The following FAM227B variants were observed in gnomAD, a reference collection of about 807,000 sequenced individuals.
FAM227B encodes the protein family with sequence similarity 227 member B.
A neutral mutation model predicts 73.8 loss-of-function variants in FAM227B; 88 were observed. That is an observed-to-expected ratio of 1.19 (90% CI 1.00 to 1.42). The LOEUF (loss-of-function observed/expected upper bound fraction) is 1.42, where lower values mean the gene tolerates loss of function less well. FAM227B is among the 40% of genes most tolerant of loss of function. The pLI, the probability that FAM227B is intolerant of heterozygous loss-of-function variation, is 0.00. For synonymous variants in FAM227B, 210 were observed against 190.5 expected (o/e 1.10, Z -0.84); for missense variants, 632 against 590.9 (o/e 1.07, Z -0.72).
intron 13 of FAM227B, among the ~76,000 whole-genome samples, chr15:49,357,120 C>G (rs200328598): frequency 0.022 from 3,279 of 150,872 alleles, 93 homozygotes; most frequent in South Asian, 0.076. Flanking sequence ...TAAATGCCCA[C>G]AAGAGAAGGC....
chr15:49,407,546 AT>A (rs2048598360), intron 11 of FAM227B, among the ~76,000 whole-genome samples: 1 of 151,552 alleles, frequency 6.6e-6, no homozygotes, highest in Non-Finnish European at 1.5e-5. Context: ...TATTTTTAAA[AT>A]TTTAACACTG....
At chr15:49,550,700 C>T (rs1001462310) in intron 9 of FAM227B, among the ~76,000 whole-genome samples, 41 of 151,832 alleles carry the variant, frequency 2.7e-4, no homozygotes, top group East Asian at 2.3e-3. Flanking sequence ...CGGGCAGAGA[C>T]GCTCCTCACT....
chr15:49,461,160 G>A (rs1477512359), intron 11 of FAM227B, among the ~76,000 whole-genome samples: 2 of 152,130 alleles, frequency 1.3e-5, no homozygotes, highest in East Asian at 3.9e-4. Context: ...AGTCCTCCTC[G>A]ACTAGACTAG....
chr15:49,452,028 T>C (rs1026639236), intron 11 of FAM227B, among the ~76,000 whole-genome samples: 14 of 152,088 alleles, frequency 9.2e-5, no homozygotes, highest in African/African-American at 2.9e-4. Flanking sequence ...GATTCAAAAT[T>C]TGATTCAATA....
chr15:49,567,144 G>A (rs1016951784), intron 9 of FAM227B, among the ~76,000 whole-genome samples: 2 of 152,150 alleles, frequency 1.3e-5, no homozygotes, highest in African/African-American at 4.8e-5. Context: ...TAGGCTAACT[G>A]AAAGAATATG....
chr15:49,550,264 A>G (rs1233298581), intron 9 of FAM227B, among the ~76,000 whole-genome samples: 3 of 106,710 alleles, frequency 2.8e-5, no homozygotes, highest in African/African-American at 1.1e-4. Flanking sequence ...GGGGCTCCTC[A>G]CTTCCCAGTA....
Position 49,355,354 on chromosome 15 carries a change from A to C in FAM227B, c.1271+12094T>G, listed in dbSNP as rs1596458297. Among the ~76,000 whole-genome samples the C allele has an allele frequency of 2.0e-5, 3 of 152,338 alleles. No homozygotes were observed. The East Asian group carries it at 5.8e-4, about 29-fold the overall frequency. On this transcript the variant is annotated intron_variant, in intron 13 of 15. Coordinates refer to ENST00000299338, the MANE Select transcript of FAM227B (RefSeq NM_152647.3). ...TTGAAAACTTTGAAAAAAATTTAGC[A>C]GTATGTATAACTAGAATAACCAATA...
intron 11 of FAM227B, among the ~76,000 whole-genome samples, chr15:49,432,979 A>AT (rs1470268633): frequency 2.0e-5 from 3 of 151,670 alleles, no homozygotes; most frequent in African/African-American, 7.3e-5. Context: ...CTTACTGTAT[A>AT]TATCTAAAAC....
intron 11 of FAM227B, among the ~76,000 whole-genome samples, chr15:49,382,002 T>C (rs1356641909): frequency 6.6e-6 from 1 of 152,056 alleles, no homozygotes; most frequent in East Asian, 1.9e-4. Context: ...AAACTAAAGA[T>C]ACACATGATA....
At position 49,536,298 on chromosome 15, in the gene FAM227B, A is replaced by C. The variant is rs185861867; in HGVS notation, c.874+5382T>G. Among the ~76,000 whole-genome samples, 303 of 151,920 alleles carry C rather than the reference A, an allele frequency of 2.0e-3. 1 individual carries two copies. Among genetic ancestry groups the C allele is most frequent in the African/African-American group, 7.0e-3 (290 of 41,532 alleles). On this transcript the variant is annotated intron_variant, in intron 10 of 15. Transcript: ENST00000299338. ...TATATTAACAACAGACTATCCAAAA[A>C]AGATATTTAAAAATTCCATTTAATA... is the stretch of plus-strand genomic sequence containing the variant.
chr15:49,454,963 A>G (rs2053141182), intron 11 of FAM227B, among the ~76,000 whole-genome samples: 1 of 152,144 alleles, frequency 6.6e-6, no homozygotes, highest in Admixed American at 6.5e-5. Context: ...ATGTTCCATT[A>G]GCCAATTCCA....
At chr15:49,464,168 G>A (rs1383453413) in intron 11 of FAM227B, among the ~76,000 whole-genome samples, 1 of 152,064 alleles carries the variant, frequency 6.6e-6, no homozygotes, top group Non-Finnish European at 1.5e-5. Context: ...GAGGGTGTAG[G>A]GAGGGTAGGT....
chr15:49,592,099 C>G (rs1017413472), intron 3 of FAM227B, among the ~76,000 whole-genome samples: 2 of 152,150 alleles, frequency 1.3e-5, no homozygotes, highest in Non-Finnish European at 2.9e-5. Context: ...AGCTTCCTTG[C>G]GATGGGTTAG....
At chr15:49,414,727 AATTG>A (rs1275138196) in intron 11 of FAM227B, among the ~76,000 whole-genome samples, 3 of 152,148 alleles carry the variant, frequency 2.0e-5, no homozygotes, top group Non-Finnish European at 4.4e-5. Flanking sequence ...TGAAAGTGAT[AATTG>A]ATAGGAAGAA....
At position 49,401,245 on chromosome 15, in the gene FAM227B, A is replaced by G. The variant is rs2048120962; in HGVS notation, c.1013-29846T>C. ...CATTTATGCAGCCAAAAAACACATG[A>G]AAAAATGCTCATCATCACTGGCCAT... On this transcript the variant is annotated intron_variant, in intron 11 of 15. Transcript: ENST00000299338. Among the ~76,000 whole-genome samples the G allele has an allele frequency of 2.6e-5, 4 of 152,384 alleles. No individual in the cohort carries two copies. The South Asian group carries it at 8.3e-4, about 32-fold the overall frequency.
At chr15:49,577,552 T>TAA in intron 6 of FAM227B, 77 bp downstream of exon 6, 1 of 867,238 alleles carries the variant, frequency 1.2e-6, no homozygotes, top group Non-Finnish European at 1.8e-6. Context: ...GAGCCTTGTT[T>TAA]ATATTGTTGT....
chr15:49,547,459 G>C (rs145524874), intron 9 of FAM227B, among the ~76,000 whole-genome samples: 1 of 152,094 alleles, frequency 6.6e-6, no homozygotes, highest in Non-Finnish European at 1.5e-5. Context: ...TGGGCTAAAT[G>C]CTCCAATTAA....
At chr15:49,434,303 T>G (rs1014595926) in intron 11 of FAM227B, 1 of 151,618 alleles carries the variant, frequency 6.6e-6, no homozygotes, top group Non-Finnish European at 1.5e-5. Flanking sequence ...TTTTAATTAA[T>G]TCAACCAAGT....
At chr15:49,516,151 A>G (rs2059362449) in intron 10 of FAM227B, among the ~76,000 whole-genome samples, 1 of 151,994 alleles carries the variant, frequency 6.6e-6, no homozygotes, top group African/African-American at 2.4e-5. Context: ...AAATTTTTTT[A>G]TTGTTATTTT....
Sources: allele counts gnomAD v4.1 joint callset (sites outside exome capture counted in the v4.1 genomes callset), GRCh38; gene constraint gnomAD v4.1.1; transcripts MANE v1.5; gene names NCBI Gene and HGNC (gene_info 2026-07-23, HGNC 2026-07-21).